Variants in TEK observed in about 807,000 individuals in gnomAD.
The protein encoded by TEK is angiopoietin-1 receptor.
TEK carries 43 observed loss-of-function variants against 131.8 expected under a neutral mutation model. The ratio of observed to expected loss-of-function variants is 0.33; its 90% CI spans 0.26 to 0.42. TEK has a LOEUF of 0.42. TEK is among the 10% of genes least tolerant of loss of function. TEK has a pLI of 1.00. For synonymous variants in TEK, 580 were observed against 491.6 expected, an observed-to-expected ratio of 1.18 and a Z score of -2.38; for missense variants, 1,162 against 1,384.4, an observed-to-expected ratio of 0.84 and a Z score of 2.55.
chr9:27,164,641 C>G (rs746521548), intron 2 of TEK, among the ~76,000 whole-genome samples: 3 of 152,066 alleles, frequency 2.0e-5, no homozygotes, highest in Non-Finnish European at 4.4e-5. Context: ...TTCTTAAGCT[C>G]AAGTGATCCT....
chr9:27,218,130 T>TGGGGG (rs1554702611), intron 19 of TEK, among the ~76,000 whole-genome samples: 2 of 139,498 alleles, frequency 1.4e-5, no homozygotes, highest in Admixed American at 7.2e-5. Context: ...GGCCAGACAG[T>TGGGGG]GGCGGGGGTC....
At position 27,201,366 on chromosome 9, in the gene TEK, T is replaced by G. The variant is rs377379734; in HGVS notation, c.1910-1454T>G. Among the ~76,000 whole-genome samples, 79 of 152,348 alleles carry G rather than the reference T, an allele frequency of 5.2e-4. 3 individuals carry two copies. In the South Asian group the frequency reaches 0.016, roughly 30 times the overall value. On this transcript the variant is annotated intron_variant, in intron 12 of 22. Transcript: ENST00000380036. ...ACAGGCTTAGAAGACCACTGGTTTA[T>G]GAAGTTGAATTTTTTGAGCCACAAC...
intron 10 of TEK, 24 bp downstream of exon 10, chr9:27,190,714 C>A (rs780282490): frequency 3.7e-6 from 6 of 1,613,400 alleles, no homozygotes; most frequent in South Asian, 1.1e-5. Flanking sequence ...AGGATAGATG[C>A]CAGCTGGGGA....
chr9:27,195,319 C>G (rs1824965796), intron 11 of TEK, among the ~76,000 whole-genome samples: 1 of 152,088 alleles, frequency 6.6e-6, no homozygotes, highest in South Asian at 2.1e-4. Context: ...TCACCTCGAA[C>G]CAAGAGTAAG....
At chr9:27,135,479 C>A (rs1322932336) in intron 1 of TEK, among the ~76,000 whole-genome samples, 1 of 152,110 alleles carries the variant, frequency 6.6e-6, no homozygotes, top group Non-Finnish European at 1.5e-5. Context: ...AAATCATCAT[C>A]ACCTTTATCA....
chr9:27,164,529 C>T (rs1383672793), intron 2 of TEK, among the ~76,000 whole-genome samples: 1 of 152,022 alleles, frequency 6.6e-6, no homozygotes, highest in Non-Finnish European at 1.5e-5. Flanking sequence ...ATGTGTTAGC[C>T]AGGATGATGT....
intron 1 of TEK, among the ~76,000 whole-genome samples, chr9:27,135,959 T>G (rs1052173738): frequency 2.0e-5 from 3 of 152,234 alleles, no homozygotes; most frequent in African/African-American, 7.2e-5. Context: ...TTGTTCTGTG[T>G]GTACCGTACC....
chr9:27,190,689 A>C lies in TEK; in HGVS notation c.1488A>C (p.Gln496His). 8 of 1,613,936 alleles carry C rather than the reference A, an allele frequency of 5.0e-6. No homozygotes were observed. The highest frequency in any genetic ancestry group is 6.8e-6 in the Non-Finnish European group (8 of 1,179,838). Residue 496 changes from glutamine to histidine, a missense_variant and splice_region_variant, in exon 10 of 23, where the codon CAA becomes CAC. Coordinates refer to ENST00000380036, the MANE Select transcript of TEK (RefSeq NM_000459.5). ...ACTATGAGGCTTGGCAACATATTCA[A>C]GGTAAGCTTTGGACAGGATAGATGC... ...VNHYEAWQHIQVTNEIVTLNY... is the reference protein window; with the variant it reads ...VNHYEAWQHIHVTNEIVTLNY...
chr9:27,183,127 C>A (rs1456416544), intron 7 of TEK, among the ~76,000 whole-genome samples: 1 of 152,108 alleles, frequency 6.6e-6, no homozygotes, highest in Non-Finnish European at 1.5e-5. Flanking sequence ...ACAGCAAAGT[C>A]TAGGGGAGAT....
chr9:27,201,929 G>C (rs1026698913), intron 12 of TEK, among the ~76,000 whole-genome samples: 6 of 152,190 alleles, frequency 3.9e-5, no homozygotes, highest in Non-Finnish European at 5.9e-5. Flanking sequence ...CAAGTCAAGA[G>C]AGTGTCTGCA....
chr9:27,160,010 GTTT>G (rs563961610), intron 2 of TEK, among the ~76,000 whole-genome samples: 20,908 of 83,306 alleles, frequency 0.25, 2,680 homozygotes, highest in Non-Finnish European at 0.3. Flanking sequence ...GCTGTTTAGG[GTTT>G]TTTTTTTTTT....
intron 15 of TEK, among the ~76,000 whole-genome samples, chr9:27,208,581 G>A (rs911208567): frequency 6.6e-6 from 1 of 152,236 alleles, no homozygotes; most frequent in African/African-American, 2.4e-5. Context: ...CAATCAACCA[G>A]ATTGAGACTG....
intron 4 of TEK, among the ~76,000 whole-genome samples, chr9:27,170,454 G>A (rs934920292): frequency 1.3e-5 from 2 of 151,972 alleles, no homozygotes; most frequent in African/African-American, 2.4e-5. Context: ...GCAAAACCCC[G>A]TCTCTACAAA....
intron 2 of TEK, among the ~76,000 whole-genome samples, chr9:27,161,217 G>A (rs1202950780): frequency 6.6e-6 from 1 of 152,214 alleles, no homozygotes; most frequent in Non-Finnish European, 1.5e-5. Context: ...AGGCAGACCT[G>A]GATAGTGAGA....
At chr9:27,219,734 A>AACTAT (rs1564107831) in intron 20 of TEK, among the ~76,000 whole-genome samples, 7 of 138,778 alleles carry the variant, frequency 5.0e-5, no homozygotes, top group East Asian at 2.1e-4. Context: ...TCAGAAAAAA[A>AACTAT]GGTTAATCTT....
intron 14 of TEK, among the ~76,000 whole-genome samples, chr9:27,206,041 T>C (rs922055190): frequency 6.6e-6 from 1 of 152,210 alleles, no homozygotes; most frequent in Non-Finnish European, 1.5e-5. Flanking sequence ...GAGAAAGAGA[T>C]ACTGTGTTGG....
At chr9:27,166,878 C>T (rs1189649238) in intron 2 of TEK, among the ~76,000 whole-genome samples, 1 of 152,164 alleles carries the variant, frequency 6.6e-6, no homozygotes, top group Non-Finnish European at 1.5e-5. Context: ...CTTTTCCACA[C>T]CATGATTTTC....
rs78902745 is a variant in TEK at position 27,165,002 on chromosome 9, T to C, written c.365-3493T>C. Among the ~76,000 whole-genome samples the C allele has an allele frequency of 8.6e-3, 1,304 of 152,272 alleles. 31 individuals carry two copies. Among genetic ancestry groups the C allele is most frequent in the East Asian group, 0.036 (185 of 5,176 alleles). ...TCATCAGAAAGCCCAAAGTAGAACA[T>C]GAATGTTGGATTTCCTTCGTTAGTA... On this transcript the variant is annotated intron_variant, in intron 2 of 22. Coordinates refer to ENST00000380036, the MANE Select transcript of TEK (RefSeq NM_000459.5).
At chr9:27,183,693 T>C in intron 8 of TEK, 83 bp downstream of exon 8, 4 of 1,549,676 alleles carry the variant, frequency 2.6e-6, no homozygotes, top group Non-Finnish European at 3.6e-6. Context: ...TAGATACCAT[T>C]CAGTGCTTTT....
Sources: allele counts gnomAD v4.1 joint callset (sites outside exome capture counted in the v4.1 genomes callset), GRCh38; gene constraint gnomAD v4.1.1; transcripts MANE v1.5; gene names NCBI Gene and HGNC (gene_info 2026-07-23, HGNC 2026-07-21).